Variants in UNKL observed in about 807,000 individuals in gnomAD.
The protein encoded by UNKL is unk like zinc finger, also known as putative E3 ubiquitin-protein ligase UNKL.
Under a neutral mutation model 78.0 loss-of-function variants are expected in UNKL, and 60 were observed. That is an observed-to-expected ratio of 0.77 (90% CI 0.63 to 0.95). The LOEUF is 0.95. UNKL is among the 40% of genes least tolerant of loss of function. UNKL has a pLI of 0.00. For missense variants in UNKL, 1,159 were observed against 1,045.7 expected, an observed-to-expected ratio of 1.11 and a Z score of -1.49; for synonymous variants, 608 against 474.8, an observed-to-expected ratio of 1.28 and a Z score of -3.65.
rs1265941325 is a variant in UNKL at position 1,367,214 on chromosome 16, C to T, written c.1924G>A (p.Gly642Ser). The T allele has an allele frequency of 1.9e-6, 3 of 1,603,312 alleles. No homozygotes were observed. The highest frequency in any genetic ancestry group is 1.3e-5 in the African/African-American group (1 of 74,754). Residue 642 changes from glycine (G) to serine (S), a missense_variant, in exon 14 of 15, where the codon GGC (glycine) becomes AGC (serine). Transcript: ENST00000389221. ...GGCAGTGTGGAGGCTACGCCCAGGC[C>T]CTCCAGCTCCTCCTGCAGCTGCTTC... ...QVKQLQEELEGLGVASTLPGL... is the reference protein window; with the variant it reads ...QVKQLQEELESLGVASTLPGL...
intron 2 of UNKL, among the ~76,000 whole-genome samples, chr16:1,411,533 A>C (rs2038037907): frequency 6.6e-6 from 1 of 152,068 alleles, no homozygotes; most frequent in Non-Finnish European, 1.5e-5. Context: ...CCCTGTCTCA[A>C]AAAACAAAAA....
rs1177262207 is a variant in UNKL at position 1,403,190 on chromosome 16, G to A, written c.442C>T (p.Arg148Trp). 5 of 1,612,732 alleles carry A rather than the reference G, an allele frequency of 3.1e-6. No individual in the cohort carries two copies. The highest frequency in any genetic ancestry group is 2.2e-5 in the East Asian group (1 of 44,844). Residue 148 changes from arginine to tryptophan, a missense_variant, in exon 3 of 15, where the codon CGG becomes TGG. Coordinates refer to ENST00000389221, the MANE Select transcript of UNKL (RefSeq NM_001372107.1). This position sits in a 1 kb window ranked among gnomAD's most constrained non-coding sequence, Gnocchi z 4.8. Reference sequence around the variant, plus strand: ...CACCTGACGTCACACACGGGCGGCCGCAGGTCCAGGGGGCCGTGCGCGAAG... The same window carrying A: ...CACCTGACGTCACACACGGGCGGCCACAGGTCCAGGGGGCCGTGCGCGAAG... ...CAFAHGPLDL[R>W]PPVCDVRELQ...
intron 10 of UNKL, 121 bp from the exon 11 acceptor site, chr16:1,371,732 G>GA: frequency 1.9e-6 from 2 of 1,032,392 alleles, no homozygotes; most frequent in Non-Finnish European, 2.8e-6. Context: ...GAAGGCGTGG[G>GA]AGTTGCTGGG....
At chr16:1,367,965 G>GT in intron 12 of UNKL, 107 bp from the exon 13 acceptor site, 3 of 1,020,558 alleles carry the variant, frequency 2.9e-6, no homozygotes, top group Non-Finnish European at 4.3e-6. Context: ...CACCCTCTGG[G>GT]GCTCACCTGC....
intron 8 of UNKL, among the ~76,000 whole-genome samples, chr16:1,392,278 G>T (rs765958273): frequency 1.3e-5 from 2 of 152,124 alleles, no homozygotes; most frequent in African/African-American, 4.8e-5. Flanking sequence ...CCTCGAAGCC[G>T]GGCGTGAATT....
intron 2 of UNKL, among the ~76,000 whole-genome samples, chr16:1,407,759 T>C (rs1596771097): frequency 1.3e-5 from 2 of 150,932 alleles, no homozygotes. Flanking sequence ...ACCACAGGAA[T>C]GGGGCAAGCC....
At chr16:1,410,453 C>CA (rs1388161542) in intron 2 of UNKL, among the ~76,000 whole-genome samples, 1 of 151,906 alleles carries the variant, frequency 6.6e-6, no homozygotes, top group Non-Finnish European at 1.5e-5. Context: ...ACTAAAAATA[C>CA]AAAATTAACC....
chr16:1,367,779 G>A lies in UNKL; in HGVS notation c.1665C>T (p.Ala555=), dbSNP rs537408300. ...FSPSPSPILS[A]GPPSSSSASP... is the part of the protein sequence containing the mutation. ...TTGCACTCGAAGAGGATGGGGGGCC[G>A]GCACTCAGGATGGGGGAGGGGCTGG... Residue 555 remains alanine, a synonymous_variant, in exon 13 of 15, where the codon GCC becomes GCT. Coordinates refer to ENST00000389221, the MANE Select transcript of UNKL (RefSeq NM_001372107.1). 7.5e-5 allele frequency: 118 copies of A among 1,573,296 alleles called. No individual in the cohort carries two copies. In the Admixed American group the frequency reaches 7.6e-4, roughly 10 times the overall value.
chr16:1,379,438 C>G, intron 10 of UNKL: 1 of 976,734 alleles, frequency 1.0e-6, no homozygotes, highest in Non-Finnish European at 1.2e-6. Flanking sequence ...AGGCAGGTTC[C>G]GAGAAGGCGA....
rs575854401 is a variant in UNKL, at chr16:1,363,287, G to A, written c.*2953C>T. ...TAAACCATTGCATAAATGCTATAGT[G>A]TAAAAAAATTTAAACAAGTGTTAAC... On this transcript the variant is annotated 3_prime_UTR_variant, in exon 15 of 15. Transcript: ENST00000389221. 3 of 606,084 alleles carry A rather than the reference G, an allele frequency of 4.9e-6. No individual in the cohort carries two copies. Among genetic ancestry groups the A allele is most frequent in the East Asian group, 5.8e-5 (2 of 34,486 alleles). The allele number at this position is 606,084 out of a possible 1,614,324, so 37.5% of individuals were successfully genotyped here.
Position 1,413,826 on chromosome 16 carries a change from G to GC in UNKL, c.287+19dup, listed in dbSNP as rs1490407693. ...CCCCCACCTCCGCCCAGGCAGCGGCGCCCCCTCGCGGCCGCTTACTCGTCG... is the reference window on the plus strand; with the variant it reads ...CCCCCACCTCCGCCCAGGCAGCGGCGCCCCCCTCGCGGCCGCTTACTCGTCG... On this transcript the variant is annotated intron_variant, in intron 2 of 14. Transcript: ENST00000389221. The GC allele has an allele frequency of 1.3e-6, 2 of 1,502,498 alleles. No homozygotes were observed. Among genetic ancestry groups the GC allele is most frequent in the African/African-American group, 2.8e-5 (2 of 71,722 alleles). 93.1% of individuals were successfully genotyped at this position (1,502,498 alleles called of 1,614,324 possible). A position where few individuals can be genotyped will look rare whatever the true frequency, so the allele number is the denominator to read the frequency against.
rs1464060884 is a variant in UNKL, at chr16:1,371,464, C to T, written c.1357+55G>A. Reference sequence around the variant, plus strand: ...GGCTCAAGCGATCCTCCGGCCACAGCACTTGGCTGTTCAGCGGCTGGAGGA... The same window carrying T: ...GGCTCAAGCGATCCTCCGGCCACAGTACTTGGCTGTTCAGCGGCTGGAGGA... On this transcript the variant is annotated intron_variant, in intron 11 of 14. Coordinates refer to ENST00000389221, the MANE Select transcript of UNKL (RefSeq NM_001372107.1). 6 of 1,511,022 alleles carry T rather than the reference C, an allele frequency of 4.0e-6. No individual in the cohort carries two copies. The East Asian group carries it at 1.5e-4, about 37-fold the overall frequency. The allele number at this position is 1,511,022 out of a possible 1,614,324, so 93.6% of individuals were successfully genotyped here.
chr16:1,368,564 TGCAGTCC>T (rs1268616288), intron 12 of UNKL, among the ~76,000 whole-genome samples: 1 of 120,542 alleles, frequency 8.3e-6, no homozygotes. Flanking sequence ...ATTGCGCCAC[TGCAGTCC>T]GCAGTCCGGC....
rs1021475309 is a variant in UNKL, at chr16:1,364,434, G to A, written c.*1806C>T. The A allele has an allele frequency of 6.6e-5, 10 of 152,262 alleles. No individual in the cohort carries two copies. The highest frequency in any genetic ancestry group is 6.2e-4 in the South Asian group (3 of 4,836). 9.4% of individuals were successfully genotyped at this position (152,262 alleles called of 1,614,324 possible). ...CAAAGCCACGGTCGGGGAGAAACAC[G>A]TCGGTGCCGCTTCCCACTCGTGTGC... On this transcript the variant is annotated 3_prime_UTR_variant, in exon 15 of 15. Coordinates refer to ENST00000389221, the MANE Select transcript of UNKL (RefSeq NM_001372107.1).
At chr16:1,402,135 C>T (rs959646399) in intron 3 of UNKL, among the ~76,000 whole-genome samples, 12 of 152,234 alleles carry the variant, frequency 7.9e-5, no homozygotes, top group Non-Finnish European at 1.3e-4. Context: ...GTGCTGAGTT[C>T]GTTCTCCTGG....
rs1357587164 is a variant in UNKL at position 1,397,157 on chromosome 16, TG to T, written c.852+20del. The T allele has an allele frequency of 6.5e-6, 10 of 1,545,130 alleles. No homozygotes were observed. The East Asian group carries it at 1.2e-4, about 19-fold the overall frequency. ...GGGACCTTCCAGCGACCCCTACGCCTGGGGGGTTGGAGGGACGTACCTCGGG... is the reference window on the plus strand; with the variant it reads ...GGGACCTTCCAGCGACCCCTACGCCTGGGGGTTGGAGGGACGTACCTCGGG... On this transcript the variant is annotated intron_variant, in intron 6 of 14. Coordinates refer to ENST00000389221, the MANE Select transcript of UNKL (RefSeq NM_001372107.1).
intron 4 of UNKL, among the ~76,000 whole-genome samples, chr16:1,400,017 G>A (rs1023791231): frequency 2.0e-5 from 3 of 152,156 alleles, no homozygotes; most frequent in African/African-American, 7.2e-5. Context: ...AGTGCAGGAG[G>A]TGCACGGCAG....
intron 14 of UNKL, 148 bp downstream of exon 14, chr16:1,366,944 G>T: frequency 8.1e-7 from 1 of 1,233,350 alleles, no homozygotes; most frequent in Non-Finnish European, 1.1e-6. Flanking sequence ...CTGTGCTGGG[G>T]TGGGGCACCG....
intron 3 of UNKL, among the ~76,000 whole-genome samples, chr16:1,402,499 A>G (rs2037571608): frequency 6.6e-6 from 1 of 152,104 alleles, no homozygotes; most frequent in African/African-American, 2.4e-5. Context: ...TGTCTCTACT[A>G]AAAATACAAC....
Sources: gnomAD v4.1 joint callset for allele counts (sites outside exome capture counted in the v4.1 genomes callset) on GRCh38, gnomAD v4.1.1 for gene constraint, Gnocchi (gnomAD v3.1) non-coding constraint, MANE v1.5 for transcripts, NCBI Gene and HGNC (gene_info 2026-07-23, HGNC 2026-07-21) for gene names.